Variants in KCNMA1 observed in about 807,000 individuals in gnomAD.
KCNMA1 encodes the protein potassium calcium-activated channel subfamily M alpha 1, also known as Calcium-activated potassium channel subunit alpha-1.
A neutral mutation model predicts 140.0 loss-of-function variants in KCNMA1; 29 were observed. That is an observed-to-expected ratio of 0.21 (90% CI 0.15 to 0.28). KCNMA1 has a LOEUF of 0.28. Ranked by LOEUF, KCNMA1 falls within the 10% of genes least tolerant of loss-of-function variation. The pLI, the probability that KCNMA1 is intolerant of heterozygous loss-of-function variation, is 1.00. For missense variants in KCNMA1, 880 were observed against 1,602.2 expected (o/e 0.55, Z 7.70); for synonymous variants, 612 against 611.9 (o/e 1.00, Z 0.00).
intron 1 of KCNMA1, among the ~76,000 whole-genome samples, chr10:77,480,641 C>T (rs928296215): frequency 7.9e-5 from 12 of 152,180 alleles, no homozygotes; most frequent in Admixed American, 2.0e-4. Context: ...CTATGGCTCC[C>T]CTCTCTGAAT....
chr10:77,496,481 C>T (rs1202121980), intron 1 of KCNMA1, among the ~76,000 whole-genome samples: 1 of 150,918 alleles, frequency 6.6e-6, no homozygotes, highest in Non-Finnish European at 1.5e-5. Context: ...CCTGTAGTCC[C>T]ATCTACTTGG....
chr10:77,008,510 G>A (rs1205257386), intron 18 of KCNMA1, among the ~76,000 whole-genome samples: 1 of 152,196 alleles, frequency 6.6e-6, no homozygotes, highest in Non-Finnish European at 1.5e-5. Flanking sequence ...GAAATGGAAA[G>A]AAATGCAAAC....
intron 14 of KCNMA1, among the ~76,000 whole-genome samples, chr10:77,057,657 A>G (rs957375178): frequency 2.0e-5 from 3 of 152,148 alleles, no homozygotes; most frequent in Non-Finnish European, 4.4e-5. Context: ...TCACTTAAAG[A>G]GGCAAATCAT....
At chr10:76,884,427 T>C (rs908394243), downstream of KCNMA1, 18 of 150,918 alleles carry the variant, frequency 1.2e-4, no homozygotes, top group African/African-American at 4.2e-4. Context: ...CAGGGAAGTT[T>C]ATCAACTGGC....
At chr10:77,475,418 G>A (rs76440600) in intron 1 of KCNMA1, among the ~76,000 whole-genome samples, 4,798 of 152,284 alleles carry the variant, frequency 0.032, 284 homozygotes, top group African/African-American at 0.11. Flanking sequence ...GTTTCGTGCT[G>A]AAGGAGGCAG....
At chr10:77,222,003 G>A (rs368897924) in intron 3 of KCNMA1, among the ~76,000 whole-genome samples, 1 of 134,386 alleles carries the variant, frequency 7.4e-6, no homozygotes, top group Non-Finnish European at 1.7e-5. Context: ...GTAAAATGGT[G>A]ATCATAACTC....
intron 2 of KCNMA1, among the ~76,000 whole-genome samples, chr10:77,300,378 C>A (rs905130731): frequency 1.3e-5 from 2 of 152,184 alleles, no homozygotes; most frequent in African/African-American, 4.8e-5. Context: ...TCAACTCCCT[C>A]CCCCATACAA....
intron 13 of KCNMA1, among the ~76,000 whole-genome samples, chr10:77,073,712 G>A (rs1239870807): frequency 6.6e-6 from 1 of 152,156 alleles, no homozygotes. Flanking sequence ...TACAGTTTCT[G>A]AAAACACAGA....
chr10:77,294,022 C>T (rs1358224005), intron 2 of KCNMA1, among the ~76,000 whole-genome samples: 4 of 152,250 alleles, frequency 2.6e-5, no homozygotes, highest in African/African-American at 4.8e-5. Context: ...CTGCCTCTTT[C>T]AGGTCTGTTC....
intron 14 of KCNMA1, among the ~76,000 whole-genome samples, chr10:77,041,798 A>C (rs1205753230): frequency 6.6e-6 from 1 of 152,146 alleles, no homozygotes; most frequent in Non-Finnish European, 1.5e-5. Flanking sequence ...GCCAACAGGA[A>C]GTGGCTCTTT....
At chr10:76,963,565 A>G (rs1021355498) in intron 20 of KCNMA1, among the ~76,000 whole-genome samples, 13 of 152,258 alleles carry the variant, frequency 8.5e-5, no homozygotes, top group African/African-American at 3.1e-4. Flanking sequence ...GAGGGTGCCT[A>G]GGGTGCAAAA....
intron 1 of KCNMA1, among the ~76,000 whole-genome samples, chr10:77,608,679 G>A (rs1033024781): frequency 1.3e-5 from 2 of 152,298 alleles, no homozygotes; most frequent in Middle Eastern, 3.4e-3. Context: ...GACCTTGGTT[G>A]TCCTGTTCAC....
chr10:76,951,169 C>T (rs747986652), intron 21 of KCNMA1, among the ~76,000 whole-genome samples: 1 of 152,072 alleles, frequency 6.6e-6, no homozygotes, highest in South Asian at 2.1e-4. Context: ...GTTGAGTGGC[C>T]GAGGCACAGA....
chr10:77,104,469 T>C (rs762800885), intron 9 of KCNMA1, among the ~76,000 whole-genome samples: 11 of 152,188 alleles, frequency 7.2e-5, no homozygotes, highest in Non-Finnish European at 1.3e-4. Context: ...TGGCTACATC[T>C]AGTCTTTCAT....
At chr10:76,899,933 G>A (rs1358029646) in intron 25 of KCNMA1, among the ~76,000 whole-genome samples, 1 of 152,022 alleles carries the variant, frequency 6.6e-6, no homozygotes. Flanking sequence ...CACAATTCAT[G>A]TTAAAAATGC....
chr10:77,241,461 C>A (rs1035959047), intron 3 of KCNMA1, among the ~76,000 whole-genome samples: 2 of 149,140 alleles, frequency 1.3e-5, no homozygotes, highest in African/African-American at 5.0e-5. Flanking sequence ...CTGGGCAACA[C>A]AGTGAGACCC....
At chr10:77,227,605 A>T (rs886242668) in intron 3 of KCNMA1, among the ~76,000 whole-genome samples, 15 of 152,146 alleles carry the variant, frequency 9.9e-5, no homozygotes, top group Admixed American at 6.5e-5. Context: ...CTGTCCTCAA[A>T]CTGCTTTCAT....
At chr10:77,530,435 C>A (rs534256404) in intron 1 of KCNMA1, among the ~76,000 whole-genome samples, 1 of 152,306 alleles carries the variant, frequency 6.6e-6, no homozygotes, top group South Asian at 2.1e-4. Flanking sequence ...TCTCCAAAGT[C>A]TCTTCTAGCT....
chr10:77,259,154 C>A (rs541807655), intron 2 of KCNMA1, among the ~76,000 whole-genome samples: 10 of 152,168 alleles, frequency 6.6e-5, no homozygotes, highest in African/African-American at 2.4e-4. Context: ...TAAATTGATT[C>A]ACTGGAAACC....
Sources: allele counts gnomAD v4.1 joint callset (sites outside exome capture counted in the v4.1 genomes callset), GRCh38; gene constraint gnomAD v4.1.1; transcripts MANE v1.5; gene names NCBI Gene and HGNC (gene_info 2026-07-23, HGNC 2026-07-21).